The following PACSIN2 variants were observed in gnomAD, a reference collection of about 807,000 sequenced individuals.
PACSIN2 encodes protein kinase C and casein kinase substrate in neurons protein 2.
In PACSIN2, 25 loss-of-function variants were observed where a neutral mutation model predicts 63.8. The observed-to-expected ratio is 0.39, with a 90% confidence interval of 0.29 to 0.55. PACSIN2 has a LOEUF of 0.55. Ranked by LOEUF, PACSIN2 falls within the 20% of genes least tolerant of loss-of-function variation. The probability of loss-of-function intolerance (pLI) is 0.62; values close to 1 mark genes in which losing one functional copy is unlikely to be tolerated. For synonymous variants in PACSIN2, 255 were observed against 256.2 expected (o/e 1.00, Z 0.05); for missense variants, 518 against 646.9 (o/e 0.80, Z 2.16).
intron 10 of PACSIN2, among the ~76,000 whole-genome samples, chr22:42,872,766 C>T (rs1274101246): frequency 6.6e-6 from 1 of 152,228 alleles, no homozygotes. Context: ...GTGGGACATG[C>T]GTAAGCACTG....
intron 1 of PACSIN2, among the ~76,000 whole-genome samples, chr22:42,934,201 G>A (rs904073675): frequency 6.6e-6 from 1 of 152,192 alleles, no homozygotes; most frequent in Non-Finnish European, 1.5e-5. Context: ...CGTGCAGAGA[G>A]CACTGAGGCT....
At chr22:42,892,785 C>T (rs1217671670) in intron 3 of PACSIN2, among the ~76,000 whole-genome samples, 2 of 152,232 alleles carry the variant, frequency 1.3e-5, no homozygotes, top group Non-Finnish European at 2.9e-5. Flanking sequence ...GGGCTGAGGA[C>T]AGCTGGTCAG....
At chr22:42,921,141 T>C (rs1165193750) in intron 1 of PACSIN2, among the ~76,000 whole-genome samples, 1 of 151,832 alleles carries the variant, frequency 6.6e-6, no homozygotes, top group Non-Finnish European at 1.5e-5. Flanking sequence ...GGGCAGATCA[T>C]GAGGTCAGGA....
At position 42,870,195 on chromosome 22, in the gene PACSIN2, C is replaced by T. The variant is rs185140581; in HGVS notation, c.*1162G>A. The T allele has an allele frequency of 2.1e-3, 326 of 152,304 alleles. 1 individual carries two copies. Among genetic ancestry groups the T allele is most frequent in the Non-Finnish European group, 3.9e-3 (268 of 68,042 alleles). The allele number at this position is 152,304 out of a possible 1,614,324, so 9.4% of individuals were successfully genotyped here. Reference sequence around the variant, plus strand: ...CTGAAATCTGCAACTACTGCAAAGACGCGGGCACTTTTACAGTGTTCTGCT... The same window carrying T: ...CTGAAATCTGCAACTACTGCAAAGATGCGGGCACTTTTACAGTGTTCTGCT... On this transcript the variant is annotated 3_prime_UTR_variant, in exon 11 of 11. Transcript: ENST00000263246.
chr22:42,914,178 C>T (rs1406979011), intron 1 of PACSIN2, among the ~76,000 whole-genome samples: 2 of 152,230 alleles, frequency 1.3e-5, no homozygotes, highest in African/African-American at 2.4e-5. Flanking sequence ...ATCTGAACCA[C>T]TAGGATTCAC....
intron 1 of PACSIN2, among the ~76,000 whole-genome samples, chr22:42,930,902 T>C (rs1040842004): frequency 4.6e-5 from 7 of 152,168 alleles, no homozygotes; most frequent in Admixed American, 4.6e-4. Context: ...GCCTCCTGCA[T>C]GAGACACAGG....
At chr22:42,967,082 G>GACCATGCAGGGTGACAGGTGCTCCGT (rs1920967649) in intron 1 of PACSIN2, among the ~76,000 whole-genome samples, 1 of 150,394 alleles carries the variant, frequency 6.6e-6, no homozygotes, top group Non-Finnish European at 1.5e-5. Context: ...GTACCCAGAG[G>GACCATGCAGGGTGACAGGTGCTCCGT]ACCATGCAGG....
chr22:42,964,949 C>G (rs191415314), intron 1 of PACSIN2, among the ~76,000 whole-genome samples: 87 of 152,334 alleles, frequency 5.7e-4, no homozygotes, highest in African/African-American at 1.9e-3. Context: ...CATTTATTTG[C>G]TAGTTCCCTC....
chr22:42,887,883 G>T (rs529293962), intron 5 of PACSIN2, among the ~76,000 whole-genome samples: 1 of 152,110 alleles, frequency 6.6e-6, no homozygotes, highest in Non-Finnish European at 1.5e-5. Flanking sequence ...ACAGTGCCTG[G>T]TCACGGTCTC....
chr22:42,994,641 T>C (rs1923276490), intron 1 of PACSIN2, among the ~76,000 whole-genome samples: 1 of 152,214 alleles, frequency 6.6e-6, no homozygotes, highest in African/African-American at 2.4e-5. Flanking sequence ...TCTCTGTCCC[T>C]GTGCATGGCC....
chr22:42,936,096 G>A (rs1378004471), intron 1 of PACSIN2, among the ~76,000 whole-genome samples: 1 of 151,880 alleles, frequency 6.6e-6, no homozygotes, highest in Non-Finnish European at 1.5e-5. Context: ...GGTGCCTGTA[G>A]TCCCAGCTAC....
chr22:42,917,661 C>T (rs112656806), intron 1 of PACSIN2, among the ~76,000 whole-genome samples: 8 of 152,252 alleles, frequency 5.3e-5, no homozygotes, highest in African/African-American at 1.2e-4. Context: ...CACTGCTCTG[C>T]GGTGTGCCGT....
At chr22:43,003,981 G>A (rs1432845689) in intron 1 of PACSIN2, among the ~76,000 whole-genome samples, 1 of 152,196 alleles carries the variant, frequency 6.6e-6, no homozygotes, top group Non-Finnish European at 1.5e-5. Flanking sequence ...TTGAAACCAA[G>A]TTAGTTACAG....
chr22:42,978,175 G>C (rs1207751799), intron 1 of PACSIN2, among the ~76,000 whole-genome samples: 1 of 152,094 alleles, frequency 6.6e-6, no homozygotes, highest in Non-Finnish European at 1.5e-5. Context: ...CTTAAATTCA[G>C]GGGTGTGTAA....
At chr22:42,896,092 T>C (rs1263783640) in intron 2 of PACSIN2, among the ~76,000 whole-genome samples, 1 of 152,176 alleles carries the variant, frequency 6.6e-6, no homozygotes, top group Non-Finnish European at 1.5e-5. Flanking sequence ...TGGACAAACA[T>C]ATACCACTGT....
At chr22:42,900,360 T>C (rs922546768) in intron 2 of PACSIN2, among the ~76,000 whole-genome samples, 9 of 152,246 alleles carry the variant, frequency 5.9e-5, no homozygotes, top group African/African-American at 2.2e-4. Flanking sequence ...GACGGCGTCA[T>C]AATAGAGCAT....
intron 1 of PACSIN2, among the ~76,000 whole-genome samples, chr22:42,928,610 T>A (rs1381583531): frequency 2.6e-5 from 4 of 152,226 alleles, no homozygotes; most frequent in Non-Finnish European, 4.4e-5. Context: ...GTAGATGGTG[T>A]TAATGTCTGA....
chr22:42,894,630 G>A (rs548264530), intron 2 of PACSIN2, among the ~76,000 whole-genome samples: 7 of 152,116 alleles, frequency 4.6e-5, no homozygotes, highest in Admixed American at 1.3e-4. Context: ...GCCTTTTTTC[G>A]TATATGAAAA....
chr22:42,983,810 T>TTTGTTCTTCAGTTAAC (rs1922414704), intron 1 of PACSIN2, among the ~76,000 whole-genome samples: 1 of 152,086 alleles, frequency 6.6e-6, no homozygotes, highest in South Asian at 2.1e-4. Context: ...AATCTTTGTC[T>TTTGTTCTTCAGTTAAC]TTGTTCTTCA....
Sources: allele counts gnomAD v4.1 joint callset (sites outside exome capture counted in the v4.1 genomes callset), GRCh38; gene constraint gnomAD v4.1.1; transcripts MANE v1.5; gene names NCBI Gene and HGNC (gene_info 2026-07-23, HGNC 2026-07-21).